The following GRID1 variants were observed in gnomAD, a reference collection of about 807,000 sequenced individuals.
GRID1 encodes glutamate ionotropic receptor delta type subunit 1.
GRID1 carries 28 observed loss-of-function variants against 98.0 expected under a neutral mutation model. The ratio of observed to expected loss-of-function variants is 0.29; its 90% CI spans 0.21 to 0.39. The LOEUF (loss-of-function observed/expected upper bound fraction) is 0.39, where lower values mean the gene tolerates loss of function less well. Ranked by LOEUF, GRID1 falls within the 10% of genes least tolerant of loss-of-function variation. The pLI is 1.00. For synonymous variants in GRID1, 553 were observed against 538.5 expected, an observed-to-expected ratio of 1.03 and a Z score of -0.37; for missense variants, 1,111 against 1,340.5, an observed-to-expected ratio of 0.83 and a Z score of 2.67.
intron 2 of GRID1, among the ~76,000 whole-genome samples, chr10:86,325,793 G>A (rs1489868368): frequency 6.6e-6 from 1 of 152,162 alleles, no homozygotes; most frequent in Non-Finnish European, 1.5e-5. Flanking sequence ...ACCTGATAAA[G>A]GACATCTCCT....
At chr10:85,867,454 T>C (rs1488494221) in intron 6 of GRID1, among the ~76,000 whole-genome samples, 2 of 151,640 alleles carry the variant, frequency 1.3e-5, no homozygotes, top group South Asian at 2.1e-4. Context: ...GCAAAGGGAT[T>C]CCCCTCTCCC....
At chr10:85,612,136 G>A (rs1443431681) in intron 15 of GRID1, among the ~76,000 whole-genome samples, 15 of 152,206 alleles carry the variant, frequency 9.9e-5, no homozygotes, top group Admixed American at 9.8e-4. Flanking sequence ...GTATAATGCA[G>A]AGTCCTGTAA....
At chr10:85,650,272 T>G (rs1843251049) in intron 12 of GRID1, 1 of 152,122 alleles carries the variant, frequency 6.6e-6, no homozygotes, top group Admixed American at 6.5e-5. Flanking sequence ...TTCTAGCAAG[T>G]GAGGGAGGCT....
At chr10:85,996,974 C>T (rs985714312) in intron 4 of GRID1, among the ~76,000 whole-genome samples, 35 of 151,656 alleles carry the variant, frequency 2.3e-4, no homozygotes, top group African/African-American at 7.5e-4. Context: ...CTAAAGAAAC[C>T]CAAGTTCAGA....
intron 12 of GRID1, among the ~76,000 whole-genome samples, chr10:85,682,621 C>T (rs1314855479): frequency 1.3e-5 from 2 of 152,232 alleles, no homozygotes; most frequent in African/African-American, 2.4e-5. Context: ...CCTATAAACA[C>T]AGACAAACAT....
intron 12 of GRID1, among the ~76,000 whole-genome samples, chr10:85,701,885 G>A (rs1841455665): frequency 6.6e-6 from 1 of 151,956 alleles, no homozygotes; most frequent in Admixed American, 6.6e-5. Flanking sequence ...CGGGAGACAG[G>A]TACACCAAAA....
At chr10:85,711,241 A>G (rs1841578808) in intron 12 of GRID1, among the ~76,000 whole-genome samples, 1 of 152,040 alleles carries the variant, frequency 6.6e-6, no homozygotes, top group Non-Finnish European at 1.5e-5. Flanking sequence ...CCACTGATAG[A>G]TGAATGGATA....
intron 8 of GRID1, among the ~76,000 whole-genome samples, chr10:85,818,469 T>C (rs139659718): frequency 1.7e-3 from 264 of 152,312 alleles, no homozygotes; most frequent in Non-Finnish European, 3.3e-3. Context: ...TAAAAGCAGA[T>C]ACATTAATCA....
intron 8 of GRID1, among the ~76,000 whole-genome samples, chr10:85,765,971 G>A (rs1842193965): frequency 6.6e-6 from 1 of 152,214 alleles, no homozygotes; most frequent in Non-Finnish European, 1.5e-5. Context: ...GCCAGAGGGG[G>A]ACGATTTTAA....
At chr10:85,613,322 T>C in intron 15 of GRID1, 85 bp downstream of exon 15, 2 of 1,368,948 alleles carry the variant, frequency 1.5e-6, no homozygotes, top group Non-Finnish European at 2.0e-6. Context: ...AAATACTAAC[T>C]AGAAACAACC....
chr10:85,599,802 A>AAAAAAAAAAAAAAAAAAAAAAAT lies in GRID1; in HGVS notation c.*2470_*2471insATTTTTTTTTTTTTTTTTTTTTT. On this transcript the variant is annotated 3_prime_UTR_variant, in exon 16 of 16. Transcript: ENST00000327946. ...GTAGAAAATTCTAAAAAAAAAAAAA[A>AAAAAAAAAAAAAAAAAAAAAAAT]ATATATATATATATATATAAACATG... is the stretch of plus-strand genomic sequence containing the variant. 1.5e-5 allele frequency: 1 copy of AAAAAAAAAAAAAAAAAAAAAAAT among 65,000 alleles called. No homozygotes were observed. The highest frequency in any genetic ancestry group is 2.6e-5 in the Non-Finnish European group (1 of 38,794). 4.0% of individuals were successfully genotyped at this position (65,000 alleles called of 1,614,324 possible). A position where few individuals can be genotyped will look rare whatever the true frequency, so the allele number is the denominator to read the frequency against.
intron 6 of GRID1, 123 bp from the exon 7 acceptor site, chr10:85,856,313 G>T: frequency 1.2e-6 from 1 of 834,022 alleles, no homozygotes; most frequent in South Asian, 1.7e-5. Flanking sequence ...CAGTATCTAT[G>T]CCAAGATCCT....
chr10:86,076,827 C>A (rs1419002123), intron 4 of GRID1, among the ~76,000 whole-genome samples: 1 of 136,898 alleles, frequency 7.3e-6, no homozygotes, highest in Non-Finnish European at 1.6e-5. Context: ...CAACCTTTGG[C>A]CTTCCTTGGC....
At chr10:86,351,658 C>T (rs1848464439) in intron 2 of GRID1, among the ~76,000 whole-genome samples, 2 of 152,186 alleles carry the variant, frequency 1.3e-5, no homozygotes, top group South Asian at 4.1e-4. Flanking sequence ...ATCCCAGGGC[C>T]TGAGGATCAG....
At chr10:85,918,579 C>T (rs1841653599) in intron 4 of GRID1, among the ~76,000 whole-genome samples, 1 of 152,158 alleles carries the variant, frequency 6.6e-6, no homozygotes, top group African/African-American at 2.4e-5. Flanking sequence ...TTAAAGTGAT[C>T]AGGGATGCTT....
intron 4 of GRID1, among the ~76,000 whole-genome samples, chr10:86,016,186 G>A (rs994122284): frequency 7.9e-5 from 11 of 139,650 alleles, no homozygotes; most frequent in Non-Finnish European, 1.5e-4. Context: ...TCGCTCTGTT[G>A]CCCAGGCTGG....
At chr10:86,205,901 C>T (rs191320989) in intron 3 of GRID1, among the ~76,000 whole-genome samples, 55 of 152,148 alleles carry the variant, frequency 3.6e-4, no homozygotes, top group African/African-American at 1.2e-3. Context: ...CAGGGCATTC[C>T]GTCCCCTGAC....
chr10:85,872,259 C>T (rs945542108), intron 5 of GRID1, among the ~76,000 whole-genome samples: 4 of 152,040 alleles, frequency 2.6e-5, no homozygotes, highest in East Asian at 1.9e-4. Context: ...ATATAAAGGA[C>T]CTGGGGAGGT....
chr10:86,213,964 T>C (rs1054784935), intron 2 of GRID1, among the ~76,000 whole-genome samples: 4 of 152,108 alleles, frequency 2.6e-5, no homozygotes, highest in African/African-American at 9.7e-5. Context: ...CCCAAATATA[T>C]CTTGAGCCTG....
Sources: allele counts gnomAD v4.1 joint callset (sites outside exome capture counted in the v4.1 genomes callset), GRCh38; gene constraint gnomAD v4.1.1; transcripts MANE v1.5; gene names NCBI Gene and HGNC (gene_info 2026-07-23, HGNC 2026-07-21).